The following EML4 variants were observed in gnomAD, a reference collection of about 807,000 sequenced individuals.
EML4 encodes EMAP like 4.
In EML4, 72 loss-of-function variants were observed where a neutral mutation model predicts 129.0. That is an observed-to-expected ratio of 0.56 (90% CI 0.46 to 0.68). The LOEUF is 0.68. Ranked by LOEUF, EML4 falls within the 30% of genes least tolerant of loss-of-function variation. EML4 has a pLI of 0.00. For missense variants in EML4, 1,363 were observed against 1,190.6 expected, an observed-to-expected ratio of 1.14 and a Z score of -2.13; for synonymous variants, 532 against 405.0, an observed-to-expected ratio of 1.31 and a Z score of -3.77.
intron 1 of EML4, among the ~76,000 whole-genome samples, chr2:42,197,152 TC>T (rs1256818425): frequency 1.3e-5 from 2 of 152,104 alleles, no homozygotes; most frequent in African/African-American, 2.4e-5. Flanking sequence ...AGCCTTGACC[TC>T]CCAGGATCAG....
intron 2 of EML4, among the ~76,000 whole-genome samples, chr2:42,252,091 AGAT>A (rs1251221936): frequency 1.3e-5 from 2 of 152,236 alleles, no homozygotes; most frequent in African/African-American, 4.8e-5. Flanking sequence ...AAGAATAAGA[AGAT>A]AATATGTACC....
At chr2:42,304,453 A>G in intron 16 of EML4, 31 bp from the exon 17 acceptor site, 1 of 1,583,890 alleles carries the variant, frequency 6.3e-7, no homozygotes, top group Non-Finnish European at 8.7e-7. Context: ...TTTCTCATGT[A>G]CTCCCCAACA....
chr2:42,221,206 GA>G (rs1464755461), intron 1 of EML4, among the ~76,000 whole-genome samples: 1 of 152,076 alleles, frequency 6.6e-6, no homozygotes, highest in Non-Finnish European at 1.5e-5. Context: ...CTAGAGAAGA[GA>G]AGCCAATGCC....
chr2:42,231,334 C>T (rs1217439868), intron 1 of EML4, among the ~76,000 whole-genome samples: 1 of 152,186 alleles, frequency 6.6e-6, no homozygotes. Context: ...TCCAAGTCAT[C>T]AATTCTCACA....
intron 3 of EML4, among the ~76,000 whole-genome samples, chr2:42,259,722 CTTTT>C (rs780243101): frequency 1.4e-3 from 135 of 98,284 alleles, no homozygotes; most frequent in South Asian, 8.1e-3. Context: ...TTCTTTCTTT[CTTTT>C]TTTTTTTTTT....
chr2:42,311,778 G>GT (rs1213564991), intron 17 of EML4, among the ~76,000 whole-genome samples: 1 of 152,180 alleles, frequency 6.6e-6, no homozygotes, highest in Non-Finnish European at 1.5e-5. Context: ...TGGTTAATGA[G>GT]TTACATTCTC....
At chr2:42,239,805 C>T (rs570843226) in intron 1 of EML4, among the ~76,000 whole-genome samples, 1 of 151,892 alleles carries the variant, frequency 6.6e-6, no homozygotes, top group East Asian at 1.9e-4. Flanking sequence ...ATCTAATCTA[C>T]TTGATCAAGA....
chr2:42,229,986 T>G (rs1405129111), intron 1 of EML4, among the ~76,000 whole-genome samples: 3 of 150,826 alleles, frequency 2.0e-5, no homozygotes, highest in African/African-American at 2.4e-5. Context: ...AGGAGAGAGA[T>G]ACCGATCTTT....
At chr2:42,208,439 C>A (rs1244163228) in intron 1 of EML4, among the ~76,000 whole-genome samples, 1 of 146,526 alleles carries the variant, frequency 6.8e-6, no homozygotes, top group Non-Finnish European at 1.5e-5. Context: ...TTTTTCTTTT[C>A]TTTTCTTTTT....
intron 1 of EML4, among the ~76,000 whole-genome samples, chr2:42,175,974 GT>G (rs556941542): frequency 6.7e-6 from 1 of 148,604 alleles, no homozygotes; most frequent in Non-Finnish European, 1.5e-5. Flanking sequence ...TTTGCATTCT[GT>G]TTTTTTCGTT....
At chr2:42,325,624 ATATATATATAT>A in intron 20 of EML4, 70 bp downstream of exon 20, 1 of 114,040 alleles carries the variant, frequency 8.8e-6, no homozygotes, top group Non-Finnish European at 1.4e-5. Context: ...ATATATATAT[ATATATATATAT>A]ATATGCTAAG....
chr2:42,242,661 C>G (rs550534905), intron 1 of EML4, among the ~76,000 whole-genome samples: 1 of 151,852 alleles, frequency 6.6e-6, no homozygotes, highest in African/African-American at 2.4e-5. Flanking sequence ...CTCCCTCCCT[C>G]TCTCCTTTCC....
intron 13 of EML4, among the ~76,000 whole-genome samples, chr2:42,300,121 A>G (rs774019706): frequency 8.5e-5 from 13 of 152,246 alleles, no homozygotes; most frequent in Non-Finnish European, 1.8e-4. Context: ...CAGTTGAGGA[A>G]CAGTTTTAGA....
Position 42,169,460 on chromosome 2 carries a change from G to C in EML4, c.-152G>C, listed in dbSNP as rs1344460988. 3 of 858,358 alleles carry C rather than the reference G, an allele frequency of 3.5e-6. No individual in the cohort carries two copies. Among genetic ancestry groups the C allele is most frequent in the African/African-American group, 3.5e-5 (2 of 56,830 alleles). 53.2% of individuals were successfully genotyped at this position (858,358 alleles called of 1,614,324 possible). A position where few individuals can be genotyped will look rare whatever the true frequency, so the allele number is the denominator to read the frequency against. ...CGGGCGGCCGCGGCTTACTACCCCAGGGCGAACGGACGGACGACGGAGGCG... is the reference window on the plus strand; with the variant it reads ...CGGGCGGCCGCGGCTTACTACCCCACGGCGAACGGACGGACGACGGAGGCG... On this transcript the variant is annotated 5_prime_UTR_variant, in exon 1 of 23. Coordinates refer to ENST00000318522, the MANE Select transcript of EML4 (RefSeq NM_019063.5).
intron 5 of EML4, among the ~76,000 whole-genome samples, chr2:42,264,090 T>A: frequency 7.2e-6 from 1 of 138,916 alleles, no homozygotes; most frequent in South Asian, 2.3e-4. Flanking sequence ...GGCTCCCAAC[T>A]CAAACAATAC....
intron 1 of EML4, among the ~76,000 whole-genome samples, chr2:42,212,532 T>C (rs986354388): frequency 1.3e-5 from 2 of 152,214 alleles, no homozygotes; most frequent in African/African-American, 4.8e-5. Flanking sequence ...TTTGTTAATG[T>C]TTGAGACCAT....
intron 1 of EML4, among the ~76,000 whole-genome samples, chr2:42,237,785 C>G (rs1674767923): frequency 1.3e-5 from 2 of 152,160 alleles, no homozygotes; most frequent in Admixed American, 6.5e-5. Flanking sequence ...TTCATTAAAT[C>G]AAAATGGATC....
intron 1 of EML4, among the ~76,000 whole-genome samples, chr2:42,190,597 T>G (rs1671527982): frequency 6.6e-6 from 1 of 152,210 alleles, no homozygotes; most frequent in Non-Finnish European, 1.5e-5. Context: ...TTTGTTTTCA[T>G]AAAAAGTAAT....
chr2:42,203,205 G>C (rs6544514), intron 1 of EML4, among the ~76,000 whole-genome samples: 2 of 152,096 alleles, frequency 1.3e-5, no homozygotes, highest in East Asian at 3.8e-4. Context: ...TGTCCCATAA[G>C]TACATATAAT....
Sources: gnomAD v4.1 joint callset for allele counts (sites outside exome capture counted in the v4.1 genomes callset) on GRCh38, gnomAD v4.1.1 for gene constraint, MANE v1.5 for transcripts, NCBI Gene and HGNC (gene_info 2026-07-23, HGNC 2026-07-21) for gene names.